GPHN: variants seen among roughly 807,000 people sequenced by gnomAD.
GPHN encodes the protein gephyrin.
Under a neutral mutation model 95.5 loss-of-function variants are expected in GPHN, and 17 were observed. The observed-to-expected ratio is 0.18, with a 90% CI of 0.12 to 0.27. GPHN has a LOEUF of 0.27. GPHN is among the 10% of genes least tolerant of loss of function. The pLI, the probability that GPHN is intolerant of heterozygous loss-of-function variation, is 1.00. For missense variants in GPHN, 660 were observed against 978.1 expected (o/e 0.67, Z 4.34); for synonymous variants, 320 against 322.5 (o/e 0.99, Z 0.08).
At chr14:66,961,210 C>G (rs2068878314) in intron 8 of GPHN, among the ~76,000 whole-genome samples, 1 of 151,860 alleles carries the variant, frequency 6.6e-6, no homozygotes, top group Admixed American at 6.6e-5. Flanking sequence ...TCTTGATTAC[C>G]CATTTACCTG....
chr14:66,831,175 A>G (rs765770039), intron 4 of GPHN, among the ~76,000 whole-genome samples: 2 of 152,094 alleles, frequency 1.3e-5, no homozygotes, highest in African/African-American at 2.4e-5. Flanking sequence ...CACAATCAGA[A>G]AACACTCTCC....
At chr14:67,174,989 A>G (rs2082845234) in intron 21 of GPHN, among the ~76,000 whole-genome samples, 1 of 152,116 alleles carries the variant, frequency 6.6e-6, no homozygotes, top group Non-Finnish European at 1.5e-5. Flanking sequence ...CCTTTGTCAG[A>G]TGGGTAGATT....
chr14:66,571,489 T>C (rs1213380506), intron 1 of GPHN, among the ~76,000 whole-genome samples: 2 of 152,168 alleles, frequency 1.3e-5, no homozygotes, highest in Non-Finnish European at 2.9e-5. Context: ...GACTTTTAGT[T>C]TGCTAGAATC....
chr14:67,311,983 T>G, the GPHN span: 1 of 152,642 alleles, frequency 6.6e-6, no homozygotes, highest in African/African-American at 2.4e-5. Context: ...AAGCTCATAT[T>G]TACCTGCTTA....
At chr14:67,559,415 T>TA in the GPHN span, among the ~76,000 whole-genome samples, 2 of 152,166 alleles carry the variant, frequency 1.3e-5, no homozygotes, top group African/African-American at 4.8e-5. Context: ...GGTGAACACT[T>TA]AGACTATTTC....
At chr14:67,681,136 G>A in the GPHN span, among the ~76,000 whole-genome samples, 2 of 152,110 alleles carry the variant, frequency 1.3e-5, no homozygotes, top group South Asian at 2.1e-4. Context: ...AATCCAACAG[G>A]GCCTTATAAA....
At chr14:66,608,348 C>T (rs1346638849) in intron 1 of GPHN, among the ~76,000 whole-genome samples, 4 of 151,954 alleles carry the variant, frequency 2.6e-5, no homozygotes, top group Admixed American at 6.5e-5. Context: ...GATGTGAGAA[C>T]GTGCTTAATA....
chr14:67,376,766 G>A, the GPHN span, among the ~76,000 whole-genome samples: 5 of 152,224 alleles, frequency 3.3e-5, no homozygotes, highest in Non-Finnish European at 7.3e-5. Flanking sequence ...ATGTATCATA[G>A]TTATGTAGAT....
At chr14:67,702,910 C>A in the GPHN span, among the ~76,000 whole-genome samples, 1 of 152,190 alleles carries the variant, frequency 6.6e-6, no homozygotes, top group South Asian at 2.1e-4. Context: ...ACCTCCCAGG[C>A]TCAAGTGATT....
At chr14:67,194,641 G>T in the GPHN span, among the ~76,000 whole-genome samples, 1 of 152,070 alleles carries the variant, frequency 6.6e-6, no homozygotes, top group Non-Finnish European at 1.5e-5. Flanking sequence ...AAGTAGCTGG[G>T]ATTACAGGCA....
intron 8 of GPHN, among the ~76,000 whole-genome samples, chr14:66,960,678 C>T (rs573194126): frequency 6.6e-6 from 1 of 152,236 alleles, no homozygotes; most frequent in African/African-American, 2.4e-5. Context: ...CACTTCAACA[C>T]TCAGCCAGGC....
chr14:66,650,819 A>G (rs754863355), intron 1 of GPHN, among the ~76,000 whole-genome samples: 1 of 152,186 alleles, frequency 6.6e-6, no homozygotes, highest in Non-Finnish European at 1.5e-5. Flanking sequence ...GCACAGATGG[A>G]GCAGCTACCA....
the GPHN span, among the ~76,000 whole-genome samples, chr14:67,621,186 G>A: frequency 6.6e-6 from 1 of 152,156 alleles, no homozygotes; most frequent in Non-Finnish European, 1.5e-5. Flanking sequence ...GTAGAGTGAG[G>A]CAAGGTCTGA....
the GPHN span, among the ~76,000 whole-genome samples, chr14:67,218,386 G>A: frequency 4.6e-5 from 7 of 152,304 alleles, no homozygotes; most frequent in East Asian, 3.9e-4. Flanking sequence ...CCACAGAGCC[G>A]TTTCTCAAAT....
the GPHN span, among the ~76,000 whole-genome samples, chr14:67,325,984 T>C: frequency 5.5e-4 from 80 of 145,190 alleles, no homozygotes; most frequent in Admixed American, 1.2e-3. Flanking sequence ...CTTTTCTTTT[T>C]TTTTTTTTTT....
chr14:67,172,285 C>T (rs2078403912), intron 21 of GPHN, among the ~76,000 whole-genome samples: 2 of 152,150 alleles, frequency 1.3e-5, no homozygotes, highest in Admixed American at 6.5e-5. Flanking sequence ...AGAGCTAAAG[C>T]CATATACGGC....
chr14:66,631,524 C>G (rs925905337), intron 1 of GPHN, among the ~76,000 whole-genome samples: 4 of 152,060 alleles, frequency 2.6e-5, no homozygotes, highest in African/African-American at 4.8e-5. Context: ...AAAGCTCTTT[C>G]TATGTATAAT....
the GPHN span, among the ~76,000 whole-genome samples, chr14:67,213,149 T>A: frequency 4.6e-5 from 7 of 150,988 alleles, no homozygotes; most frequent in Non-Finnish European, 8.8e-5. Context: ...AATTTTTTTT[T>A]AAATGTATTT....
chr14:66,847,411 A>G (rs989641731), intron 4 of GPHN, among the ~76,000 whole-genome samples: 2 of 152,108 alleles, frequency 1.3e-5, no homozygotes, highest in African/African-American at 2.4e-5. Context: ...CATTTTATTA[A>G]TAATAAATAT....
Sources: allele counts gnomAD v4.1 joint callset (sites outside exome capture counted in the v4.1 genomes callset), GRCh38; gene constraint gnomAD v4.1.1; transcripts MANE v1.5; gene names NCBI Gene and HGNC (gene_info 2026-07-23, HGNC 2026-07-21).